Variants in SSBP3 observed in about 807,000 individuals in gnomAD.
SSBP3 encodes the protein single-stranded DNA-binding protein 3.
Under a neutral mutation model 69.6 loss-of-function variants are expected in SSBP3, and 5 were observed. The ratio of observed to expected loss-of-function variants is 0.07; its 90% CI spans 0.04 to 0.15. The LOEUF is 0.15. Among genes scored for constraint, SSBP3 ranks in the 10% least tolerant of loss-of-function variants. The probability of loss-of-function intolerance (pLI) is 1.00; values close to 1 mark genes in which losing one functional copy is unlikely to be tolerated. For missense variants in SSBP3, 312 were observed against 534.0 expected, an observed-to-expected ratio of 0.58 and a Z score of 4.10; for synonymous variants, 196 against 193.4, an observed-to-expected ratio of 1.01 and a Z score of -0.11.
intron 3 of SSBP3, 128 bp from the exon 4 acceptor site, chr1:54,402,073 C>T (rs1203596939): frequency 1.9e-5 from 14 of 722,190 alleles, no homozygotes; most frequent in South Asian, 8.4e-5. Flanking sequence ...TATCAGCTCT[C>T]ATTGGGCAAA....
At chr1:54,378,040 C>T (rs1557577491) in intron 4 of SSBP3, among the ~76,000 whole-genome samples, 1 of 152,192 alleles carries the variant, frequency 6.6e-6, no homozygotes, top group Admixed American at 6.5e-5. Flanking sequence ...ACCAAGTCTA[C>T]GGAACCTCTA....
chr1:54,257,543 A>AAGAAGG (rs1644944014), intron 6 of SSBP3, among the ~76,000 whole-genome samples: 2 of 152,166 alleles, frequency 1.3e-5, no homozygotes, highest in Non-Finnish European at 2.9e-5. Flanking sequence ...ACTGATACGT[A>AAGAAGG]ACATCTTAAG....
chr1:54,232,926 C>T (rs1167516641), intron 14 of SSBP3, among the ~76,000 whole-genome samples: 4 of 152,150 alleles, frequency 2.6e-5, no homozygotes, highest in East Asian at 3.8e-4. Flanking sequence ...GATCTCGGCT[C>T]GCTACAACCT....
intron 4 of SSBP3, among the ~76,000 whole-genome samples, chr1:54,336,627 T>C (rs1329644718): frequency 1.3e-5 from 2 of 152,172 alleles, no homozygotes. Context: ...AAAAGGCTTC[T>C]CAAGCCTCTT....
chr1:54,266,733 A>G (rs1372524879), intron 5 of SSBP3, among the ~76,000 whole-genome samples: 1 of 151,726 alleles, frequency 6.6e-6, no homozygotes, highest in Non-Finnish European at 1.5e-5. Flanking sequence ...TAATTATCAG[A>G]GCCAAGATGT....
chr1:54,380,582 C>T (rs905980121), intron 4 of SSBP3, among the ~76,000 whole-genome samples: 19 of 152,242 alleles, frequency 1.2e-4, no homozygotes, highest in Non-Finnish European at 1.5e-5. Flanking sequence ...GCTTCGGCTT[C>T]CTGAGAAGCT....
At chr1:54,264,889 G>A (rs1645075087) in intron 5 of SSBP3, among the ~76,000 whole-genome samples, 1 of 152,244 alleles carries the variant, frequency 6.6e-6, no homozygotes, top group Non-Finnish European at 1.5e-5. Flanking sequence ...AGAGGCTGAA[G>A]GAGTGGGTTT....
chr1:54,296,029 A>G (rs1645698522), intron 4 of SSBP3, among the ~76,000 whole-genome samples: 1 of 152,230 alleles, frequency 6.6e-6, no homozygotes, highest in Non-Finnish European at 1.5e-5. Context: ...GCCTACTATC[A>G]ATAAACATCA....
intron 6 of SSBP3, among the ~76,000 whole-genome samples, chr1:54,257,754 G>A (rs755714950): frequency 6.6e-6 from 1 of 152,050 alleles, no homozygotes. Flanking sequence ...ATGCAGCTTC[G>A]GTTACAAACA....
chr1:54,406,247 C>T (rs1649762203), exon 1 of SSBP3: 1 of 363,574 alleles, frequency 2.8e-6, no homozygotes, highest in Non-Finnish European at 4.8e-6. Context: ...GAACTCCTTC[C>T]GCGCCGGCTC....
intron 7 of SSBP3, among the ~76,000 whole-genome samples, chr1:54,254,979 C>T (rs1243675009): frequency 6.6e-6 from 1 of 152,146 alleles, no homozygotes; most frequent in Admixed American, 6.5e-5. Flanking sequence ...ATTACAGGCA[C>T]ACGCCAGCAT....
chr1:54,312,686 C>T (rs1646024924), intron 4 of SSBP3, among the ~76,000 whole-genome samples: 1 of 152,178 alleles, frequency 6.6e-6, no homozygotes, highest in South Asian at 2.1e-4. Context: ...AGGCTCCCAC[C>T]CATTCTGATG....
intron 13 of SSBP3, among the ~76,000 whole-genome samples, chr1:54,240,460 A>G (rs1306827739): frequency 3.8e-5 from 2 of 53,176 alleles, no homozygotes; most frequent in Admixed American, 3.3e-4. Flanking sequence ...TACCTCAAAA[A>G]AGAAAAAAAA....
exon 5 of SSBP3, chr1:54,281,503 C>T (rs760137994): frequency 1.3e-5 from 21 of 1,565,722 alleles, no homozygotes; most frequent in African/African-American, 4.1e-5. Flanking sequence ...TTGCCAAGCA[C>T]GGGGCTCGGG....
At chr1:54,288,669 A>G (rs1168907735) in intron 4 of SSBP3, among the ~76,000 whole-genome samples, 2 of 152,126 alleles carry the variant, frequency 1.3e-5, no homozygotes, top group Non-Finnish European at 2.9e-5. Flanking sequence ...ACTGAGGCAC[A>G]GAGAGCTGTA....
rs116124417 is a variant in SSBP3, at chr1:54,290,819, C to A, written c.277-9292G>T. On this transcript the variant is annotated intron_variant, in intron 4 of 17. Transcript: ENST00000610401. ...GAAGATTAAGGGCTAGAGGATCCCC[C>A]CTAGATGAACACTGCAGAGTGGATC... is the stretch of plus-strand genomic sequence containing the variant. 9.7e-3 allele frequency among the ~76,000 whole-genome samples: 1,478 copies of A among 152,334 alleles called. 27 individuals carry two copies. Among genetic ancestry groups the A allele is most frequent in the African/African-American group, 0.034 (1,411 of 41,572 alleles).
rs183036108 is a variant in SSBP3, at chr1:54,258,703, C to T, written c.367-554G>A. 3.9e-5 allele frequency among the ~76,000 whole-genome samples: 6 copies of T among 152,128 alleles called. No homozygotes were observed. Among genetic ancestry groups the T allele is most frequent in the Admixed American group, 2.0e-4 (3 of 15,274 alleles). On this transcript the variant is annotated intron_variant, in intron 5 of 17. Transcript: ENST00000610401. The surrounding 1 kb of genome is among the most constrained non-coding windows in gnomAD (Gnocchi z 4.5). The stretch of plus-strand genomic sequence containing the variant: ...ACGGGTTTCCTGGGGGCAGGAGGGC[C>T]GGGGGCACCGACAGATAAACAACAG...
intron 4 of SSBP3, among the ~76,000 whole-genome samples, chr1:54,299,372 G>A (rs550251613): frequency 2.6e-5 from 4 of 152,258 alleles, no homozygotes; most frequent in East Asian, 3.9e-4. Flanking sequence ...GCACTGGTCC[G>A]ATGTTCCCCT....
intron 5 of SSBP3, 48 bp downstream of exon 5, chr1:54,281,390 G>A (rs777904887): frequency 1.1e-5 from 17 of 1,481,356 alleles, no homozygotes; most frequent in South Asian, 1.3e-5. Context: ...CCAGGGCCTC[G>A]GCCTGGAATA....
Sources: allele counts gnomAD v4.1 joint callset (sites outside exome capture counted in the v4.1 genomes callset), GRCh38; gene constraint gnomAD v4.1.1; non-coding constraint Gnocchi (gnomAD v3.1); transcripts MANE v1.5; gene names NCBI Gene and HGNC (gene_info 2026-07-23, HGNC 2026-07-21).